Variants in CTIF observed in about 807,000 individuals in gnomAD.
The protein encoded by CTIF is CBP80/20-dependent translation initiation factor.
In CTIF, 21 loss-of-function variants were observed where a neutral mutation model predicts 66.0. The ratio of observed to expected loss-of-function variants is 0.32; its 90% CI spans 0.23 to 0.46. The LOEUF (loss-of-function observed/expected upper bound fraction) is 0.46, where lower values mean the gene tolerates loss of function less well. Among genes scored for constraint, CTIF ranks in the 20% least tolerant of loss-of-function variants. The pLI, the probability that CTIF is intolerant of heterozygous loss-of-function variation, is 1.00. For missense variants in CTIF, 739 were observed against 812.7 expected (o/e 0.91, Z 1.10); for synonymous variants, 345 against 326.4 (o/e 1.06, Z -0.62).
At chr18:48,680,963 G>A (rs970505663) in intron 6 of CTIF, among the ~76,000 whole-genome samples, 11 of 152,204 alleles carry the variant, frequency 7.2e-5, no homozygotes, top group Admixed American at 2.0e-4. Context: ...TGGAGGGGGC[G>A]GGGACGGACA....
At chr18:48,710,307 G>A (rs1394117996) in intron 6 of CTIF, among the ~76,000 whole-genome samples, 2 of 152,226 alleles carry the variant, frequency 1.3e-5, no homozygotes, top group Non-Finnish European at 1.5e-5. Flanking sequence ...CCAGCAGCCT[G>A]GACCCTGTGG....
intron 3 of CTIF, among the ~76,000 whole-genome samples, chr18:48,653,741 G>A (rs139008229): frequency 0.017 from 2,538 of 152,330 alleles, 28 homozygotes; most frequent in African/African-American, 0.024. Flanking sequence ...CAAGGCTACA[G>A]TAACCAAAAC....
chr18:48,619,773 C>A, intron 2 of CTIF, 28 bp downstream of exon 2: 2 of 1,496,454 alleles, frequency 1.3e-6, no homozygotes, highest in South Asian at 1.3e-5. Context: ...GTTGGGGCAG[C>A]TTGGGAAATT....
intron 3 of CTIF, among the ~76,000 whole-genome samples, chr18:48,647,441 G>A (rs923065711): frequency 6.6e-6 from 1 of 152,138 alleles, no homozygotes; most frequent in Non-Finnish European, 1.5e-5. Context: ...CTCTGGGAAG[G>A]ATCGTATTAA....
At chr18:48,676,589 G>A (rs531748805) in intron 6 of CTIF, among the ~76,000 whole-genome samples, 1 of 152,116 alleles carries the variant, frequency 6.6e-6, no homozygotes, top group African/African-American at 2.4e-5. Flanking sequence ...AAGGGGCTTA[G>A]TGCCCACACA....
At chr18:48,587,921 C>T (rs2089807096) in intron 1 of CTIF, among the ~76,000 whole-genome samples, 1 of 152,204 alleles carries the variant, frequency 6.6e-6, no homozygotes, top group Non-Finnish European at 1.5e-5. Context: ...CGCCTTTCTC[C>T]ATTTTACCAA....
rs143744700 is a variant in CTIF at position 48,613,070 on chromosome 18, T to A, written c.-28-6468T>A. ...GGCCCTGGAGCAGATGCATTTCATC[T>A]GGTTTGCAGGTCACTGAACTCATCC... On this transcript the variant is annotated intron_variant, in intron 1 of 11. Transcript: ENST00000256413. Among the ~76,000 whole-genome samples, 551 of 152,256 alleles carry A rather than the reference T, an allele frequency of 3.6e-3. 2 individuals are homozygous for A. Among genetic ancestry groups the A allele is most frequent in the Non-Finnish European group, 5.4e-3 (364 of 68,010 alleles).
At chr18:48,762,927 A>T (rs1909153210) in intron 9 of CTIF, among the ~76,000 whole-genome samples, 1 of 152,142 alleles carries the variant, frequency 6.6e-6, no homozygotes, top group Non-Finnish European at 1.5e-5. Context: ...TCACTGCAAC[A>T]TGAGCCCTCC....
intron 2 of CTIF, among the ~76,000 whole-genome samples, chr18:48,626,652 T>TTTG (rs1237473135): frequency 0.011 from 1,357 of 119,988 alleles, 19 homozygotes; most frequent in South Asian, 0.044. Flanking sequence ...GCCGTTTTTT[T>TTTG]TTTGTTTTTT....
chr18:48,787,533 G>A (rs933716590), intron 9 of CTIF, among the ~76,000 whole-genome samples: 2 of 152,166 alleles, frequency 1.3e-5, no homozygotes, highest in African/African-American at 4.8e-5. Context: ...TCCATTCTGA[G>A]GGCCTTGGAT....
At chr18:48,691,369 G>A (rs1266101524) in intron 6 of CTIF, among the ~76,000 whole-genome samples, 1 of 152,150 alleles carries the variant, frequency 6.6e-6, no homozygotes, top group Non-Finnish European at 1.5e-5. Flanking sequence ...CTCCCTTTGG[G>A]AGACATATTT....
chr18:48,711,660 C>G lies in CTIF; in HGVS notation c.549C>G (p.Thr183=), dbSNP rs1470232631. The change falls in exon 7 of 12, where the codon ACC becomes ACG. Residue 183 remains threonine, a synonymous_variant. Coordinates refer to ENST00000256413, the MANE Select transcript of CTIF (RefSeq NM_014772.3). ...CCCATGAAGTGGAGATCGCACACAC[C>G]AAGAAGCTGTTCCGCAGGAGGAGAA... The part of the protein sequence containing the change: ...PMPHEVEIAH[T]KKLFRRRRND... The G allele has an allele frequency of 1.2e-6, 2 of 1,614,018 alleles. No homozygotes were observed. Among genetic ancestry groups the G allele is most frequent in the Non-Finnish European group, 1.7e-6 (2 of 1,180,016 alleles).
intron 6 of CTIF, among the ~76,000 whole-genome samples, chr18:48,692,343 A>AC (rs1291396335): frequency 6.6e-6 from 1 of 151,122 alleles, no homozygotes; most frequent in Non-Finnish European, 1.5e-5. Context: ...AAAACAAAAA[A>AC]AAAAAACCAC....
At chr18:48,839,397 C>G (rs188638657) in intron 10 of CTIF, among the ~76,000 whole-genome samples, 79 of 152,310 alleles carry the variant, frequency 5.2e-4, no homozygotes, top group African/African-American at 1.9e-3. Flanking sequence ...GTCACTGACC[C>G]CACAGCACAC....
intron 9 of CTIF, among the ~76,000 whole-genome samples, chr18:48,762,661 G>A (rs1909122792): frequency 6.6e-6 from 1 of 152,202 alleles, no homozygotes; most frequent in African/African-American, 2.4e-5. Flanking sequence ...AGGCTATAGG[G>A]CCATCTTAAC....
At chr18:48,772,094 A>G (rs1910197576) in intron 9 of CTIF, among the ~76,000 whole-genome samples, 1 of 152,138 alleles carries the variant, frequency 6.6e-6, no homozygotes, top group African/African-American at 2.4e-5. Context: ...TTTCAAAAGG[A>G]AGAAAATAGT....
intron 3 of CTIF, among the ~76,000 whole-genome samples, chr18:48,659,047 G>A (rs546748229): frequency 6.6e-6 from 1 of 152,286 alleles, no homozygotes; most frequent in South Asian, 2.1e-4. Flanking sequence ...CTGGGCTAAG[G>A]CTGGAAGGAG....
intron 7 of CTIF, among the ~76,000 whole-genome samples, chr18:48,749,555 C>T (rs184204364): frequency 1.2e-4 from 19 of 152,324 alleles, no homozygotes; most frequent in African/African-American, 4.3e-4. Context: ...CTCTGCATAG[C>T]TGGAGGATTC....
chr18:48,576,175 G>A (rs1028932517), intron 1 of CTIF, among the ~76,000 whole-genome samples: 2 of 152,268 alleles, frequency 1.3e-5, no homozygotes, highest in African/African-American at 2.4e-5. Flanking sequence ...GGGGTGTATG[G>A]TCACTTGCAC....
Sources: allele counts gnomAD v4.1 joint callset (sites outside exome capture counted in the v4.1 genomes callset), GRCh38; gene constraint gnomAD v4.1.1; transcripts MANE v1.5; gene names NCBI Gene and HGNC (gene_info 2026-07-23, HGNC 2026-07-21).